The following EBAG9 variants were observed in gnomAD, a reference collection of about 807,000 sequenced individuals.
The protein encoded by EBAG9 is estrogen receptor binding site associated antigen 9.
A neutral mutation model predicts 30.9 loss-of-function variants in EBAG9; 16 were observed. That is an observed-to-expected ratio of 0.52 (90% CI 0.35 to 0.79). The LOEUF (loss-of-function observed/expected upper bound fraction) is 0.79. EBAG9 is among the 30% of genes least tolerant of loss of function. The pLI, the probability that EBAG9 is intolerant of heterozygous loss-of-function variation, is 0.01. For synonymous variants in EBAG9, 93 were observed against 82.8 expected, an observed-to-expected ratio of 1.12 and a Z score of -0.67; for missense variants, 197 against 242.1, an observed-to-expected ratio of 0.81 and a Z score of 1.24.
At chr8:109,541,221 T>G (rs1313429379) in intron 1 of EBAG9, among the ~76,000 whole-genome samples, 1 of 152,338 alleles carries the variant, frequency 6.6e-6, no homozygotes, top group East Asian at 1.9e-4. Context: ...GATTAGATTA[T>G]ATTAACATTG....
Position 109,545,552 on chromosome 8 carries a change from G to A in EBAG9, c.-16+5091G>A, listed in dbSNP as rs370439565. ...GCTAATTTTTGTATTATTAGTAGAC[G>A]CGGGATTTCACCATATTGGCCAGGC... On this transcript the variant is annotated intron_variant, in intron 1 of 6. Coordinates refer to ENST00000337573, the MANE Select transcript of EBAG9 (RefSeq NM_004215.5). 1.7e-4 allele frequency among the ~76,000 whole-genome samples: 26 copies of A among 151,706 alleles called. No homozygotes were observed. The South Asian group carries it at 2.5e-3, about 15-fold the overall frequency.
At position 109,560,878 on chromosome 8, in the gene EBAG9, AT is replaced by A; in HGVS notation, c.471del (p.Asn157LysfsTer17). 3 of 1,613,250 alleles carry A rather than the reference AT, an allele frequency of 1.9e-6. No homozygotes were observed. The highest frequency in any genetic ancestry group is 2.5e-6 in the Non-Finnish European group (3 of 1,179,546). On this transcript the variant is annotated frameshift_variant, in exon 6 of 7. Coordinates refer to ENST00000337573, the MANE Select transcript of EBAG9 (RefSeq NM_004215.5). LOFTEE classifies it high-confidence loss of function. ...TTAGATACCTGGCAGGAAAATACCA[AT>A]GCATGGGAAGAAGAAGAAGATGCAG... ...GDLDTWQENT[N>X]AWEEEEDAAW...
chr8:109,553,831 G>A (rs763890372), intron 2 of EBAG9, 34 bp from the exon 3 acceptor site: 2 of 1,552,020 alleles, frequency 1.3e-6, no homozygotes, highest in Non-Finnish European at 1.8e-6. Context: ...TGTTTTGGTG[G>A]TTCTTGAAAT....
Position 109,544,186 on chromosome 8 carries a change from T to C in EBAG9, c.-16+3725T>C, listed in dbSNP as rs1305202845. On this transcript the variant is annotated intron_variant, in intron 1 of 6. Transcript: ENST00000337573. ...TTAACATTTCAATTTTAAAAAGGTA[T>C]ATAGCTGTCCCTTTAATGTGGTCAC... 2.0e-5 allele frequency among the ~76,000 whole-genome samples: 3 copies of C among 152,362 alleles called. No homozygotes were observed. The East Asian group carries it at 5.8e-4, about 29-fold the overall frequency.
chr8:109,556,812 T>C, intron 4 of EBAG9, 123 bp from the exon 5 acceptor site: 1 of 456,292 alleles, frequency 2.2e-6, no homozygotes, highest in Non-Finnish European at 3.7e-6. Context: ...ACTTTTTTTT[T>C]AGTTTTTACA....
chr8:109,561,421 G>A (rs1052761719), intron 6 of EBAG9, among the ~76,000 whole-genome samples: 1 of 151,844 alleles, frequency 6.6e-6, no homozygotes. Flanking sequence ...CTATGTGTTA[G>A]ATGAACTACC....
intron 6 of EBAG9, among the ~76,000 whole-genome samples, chr8:109,562,036 T>C (rs1042817351): frequency 1.3e-5 from 2 of 152,032 alleles, no homozygotes; most frequent in African/African-American, 2.4e-5. Flanking sequence ...TTGTGAACTA[T>C]AACACTTAGG....
chr8:109,548,478 A>G (rs1049881579), intron 1 of EBAG9, among the ~76,000 whole-genome samples: 1 of 152,102 alleles, frequency 6.6e-6, no homozygotes, highest in African/African-American at 2.4e-5. Flanking sequence ...CGTTCTTTGC[A>G]TTTCCATATG....
chr8:109,552,473 C>T (rs1029942168), intron 2 of EBAG9, among the ~76,000 whole-genome samples: 4 of 152,104 alleles, frequency 2.6e-5, no homozygotes, highest in East Asian at 1.9e-4. Context: ...GCCAGAAATT[C>T]ACCAGGTAAA....
chr8:109,564,422 A>C lies in EBAG9; in HGVS notation c.522-17A>C, dbSNP rs1335537858. 3 of 1,608,086 alleles carry C rather than the reference A, an allele frequency of 1.9e-6. No homozygotes were observed. Among genetic ancestry groups the C allele is most frequent in the Non-Finnish European group, 2.5e-6 (3 of 1,177,530 alleles). On this transcript the variant is annotated splice_polypyrimidine_tract_variant and intron_variant, in intron 6 of 6. Transcript: ENST00000337573. ...CTGTTTGGTATTTTCTAAAAGTAAAAGTATGTTTCTTTTCAGACAGCAGAA... is the reference window on the plus strand; with the variant it reads ...CTGTTTGGTATTTTCTAAAAGTAAACGTATGTTTCTTTTCAGACAGCAGAA...
At position 109,543,135 on chromosome 8, in the gene EBAG9, C is replaced by CTTTTTTT. The variant is rs557388998; in HGVS notation, c.-16+2699_-16+2705dup. Among the ~76,000 whole-genome samples the CTTTTTTT allele has an allele frequency of 6.6e-4, 35 of 52,862 alleles. 2 individuals are homozygous for CTTTTTTT. The highest frequency in any genetic ancestry group is 1.2e-3 in the Admixed American group (4 of 3,470). 34.7% of individuals were successfully genotyped at this position (52,862 alleles called of 152,430 possible). A position where few individuals can be genotyped will look rare whatever the true frequency, so the allele number is the denominator to read the frequency against. ...GAGTACAATTTTTAATATTCTGGTT[C>CTTTTTTT]TTTTTTTTTTTTTTTTTTTTTTTTT... On this transcript the variant is annotated intron_variant, in intron 1 of 6. Transcript: ENST00000337573.
Position 109,554,777 on chromosome 8 carries a change from G to C in EBAG9, c.211G>C (p.Val71Leu). 1 of 1,613,762 alleles carries C rather than the reference G, an allele frequency of 6.2e-7. No individual in the cohort carries two copies. Among genetic ancestry groups the C allele is most frequent in the Non-Finnish European group, 8.5e-7 (1 of 1,179,802 alleles). ...CTGGGATGAAGATGCACCCACCAGT[G>C]TAAAGATCGAAGGAGGGAATGGGAA... is the stretch of plus-strand genomic sequence containing the variant. ...TSWDEDAPTS[V>L]KIEGGNGNVA... is the part of the protein sequence containing the mutation. Residue 71 changes from valine (V) to leucine (L), a missense_variant, in exon 4 of 7, where the codon GTA (valine) becomes CTA (leucine). Transcript: ENST00000337573.
At chr8:109,544,361 C>T (rs1821342054) in intron 1 of EBAG9, among the ~76,000 whole-genome samples, 1 of 152,132 alleles carries the variant, frequency 6.6e-6, no homozygotes, top group South Asian at 2.1e-4. Flanking sequence ...AAGAAGTCAG[C>T]ACTCTAAATA....
In EBAG9 at chr8:109,544,810, C is replaced by T. The variant is rs115395553; in HGVS notation, c.-16+4349C>T. ...GATTAACAGATTTTTTTCCCTCTTT[C>T]GTGTGTATTTTGAGGCTCTTAGTCG... On this transcript the variant is annotated intron_variant, in intron 1 of 6. Transcript: ENST00000337573. Among the ~76,000 whole-genome samples, 59 of 152,120 alleles carry T rather than the reference C, an allele frequency of 3.9e-4. 1 individual carries two copies. Among genetic ancestry groups the T allele is most frequent in the Middle Eastern group, 3.4e-3 (1 of 294 alleles).
At chr8:109,550,014 A>G (rs185366381) in intron 1 of EBAG9, among the ~76,000 whole-genome samples, 4 of 152,166 alleles carry the variant, frequency 2.6e-5, no homozygotes, top group Admixed American at 2.6e-4. Context: ...TCAATCTAAC[A>G]ATCTCTGCTT....
intron 1 of EBAG9, 44 bp from the exon 2 acceptor site, chr8:109,550,766 T>C (rs991412116): frequency 2.9e-5 from 34 of 1,158,352 alleles, no homozygotes; most frequent in Middle Eastern, 1.9e-4. Flanking sequence ...GTATGACTTT[T>C]GAAATCAATT....
At chr8:109,546,916 A>G (rs924297940) in intron 1 of EBAG9, among the ~76,000 whole-genome samples, 12 of 152,218 alleles carry the variant, frequency 7.9e-5, no homozygotes, top group African/African-American at 2.7e-4. Flanking sequence ...TTTATATACT[A>G]CAATTTGTTT....
chr8:109,550,776 T>G, intron 1 of EBAG9, 34 bp from the exon 2 acceptor site: 1 of 1,243,620 alleles, frequency 8.0e-7, no homozygotes, highest in Non-Finnish European at 1.2e-6. Flanking sequence ...TGAAATCAAT[T>G]TAATGCATTT....
intron 4 of EBAG9, among the ~76,000 whole-genome samples, chr8:109,555,823 A>G (rs200244891): frequency 6.6e-6 from 1 of 152,172 alleles, no homozygotes; most frequent in Admixed American, 6.5e-5. Flanking sequence ...AAAATAGTAC[A>G]TGTACTTTTT....
Sources: gnomAD v4.1 joint callset for allele counts (sites outside exome capture counted in the v4.1 genomes callset) on GRCh38, gnomAD v4.1.1 for gene constraint, MANE v1.5 for transcripts, NCBI Gene and HGNC (gene_info 2026-07-23, HGNC 2026-07-21) for gene names.